Variants in RAPGEF1 observed in about 807,000 individuals in gnomAD.
The protein encoded by RAPGEF1 is Rap guanine nucleotide exchange factor 1.
RAPGEF1 carries 33 observed loss-of-function variants against 143.3 expected under a neutral mutation model. The ratio of observed to expected loss-of-function variants is 0.23; its 90% CI spans 0.17 to 0.31. RAPGEF1 has a LOEUF of 0.31. Ranked by LOEUF, RAPGEF1 falls within the 10% of genes least tolerant of loss-of-function variation. The probability of loss-of-function intolerance (pLI) is 1.00; values close to 1 mark genes in which losing one functional copy is unlikely to be tolerated. For missense variants in RAPGEF1, 1,199 were observed against 1,645.4 expected (o/e 0.73, Z 4.69); for synonymous variants, 629 against 676.5 (o/e 0.93, Z 1.09).
Position 131,626,093 on chromosome 9 carries a change from G to C in RAPGEF1, c.1531C>G (p.Gln511Glu), listed in dbSNP as rs778402863. Residue 511 changes from glutamine (Q) to glutamate (E), a missense_variant, in exon 10 of 27, where the codon CAG becomes GAG. Physicochemically the swap from Gln to Glu is conservative, Grantham distance 29. Around this residue, in one of 6 missense-constraint regions of RAPGEF1, gnomAD observed 613 missense variants for 710.9 expected, o/e 0.86. Transcript: ENST00000683357. ...QYDNISGEDL[Q>E]STAPIPSVPY... is the part of the protein sequence containing the mutation. Reference sequence around the variant, plus strand: ...ACGGATGGGATCGGGGCTGTGCTCTGCAGGTCCTCCCCAGAGATGTTGTCA... The same window carrying C: ...ACGGATGGGATCGGGGCTGTGCTCTCCAGGTCCTCCCCAGAGATGTTGTCA... 8.1e-6 allele frequency: 13 copies of C among 1,613,888 alleles called. No homozygotes were observed. The highest frequency in any genetic ancestry group is 9.3e-6 in the Non-Finnish European group (11 of 1,179,876).
At chr9:131,737,510 C>A in intron 1 of RAPGEF1, 1 of 1,613,034 alleles carries the variant, frequency 6.2e-7, no homozygotes, top group South Asian at 1.1e-5. Flanking sequence ...ATCTACAACC[C>A]CCTAGCAGAA....
At position 131,604,869 on chromosome 9, in the gene RAPGEF1, C is replaced by T. The variant is rs1956846206; in HGVS notation, c.2319+62G>A. On this transcript the variant is annotated intron_variant, in intron 13 of 26. Coordinates refer to ENST00000683357, the MANE Select transcript of RAPGEF1 (RefSeq NM_001377935.1). ...GTGAAACCGCTTTTTAAAAAACGTGCAGCCCCATGTGCAGGGGTGTGTGTG... is the reference window on the plus strand; with the variant it reads ...GTGAAACCGCTTTTTAAAAAACGTGTAGCCCCATGTGCAGGGGTGTGTGTG... 5 of 1,232,594 alleles carry T rather than the reference C, an allele frequency of 4.1e-6. No individual in the cohort carries two copies. The South Asian group carries it at 6.9e-5, about 17-fold the overall frequency. The allele number at this position is 1,232,594 out of a possible 1,614,324, so 76.4% of individuals were successfully genotyped here.
chr9:131,596,942 GAC>G (rs1955407145), intron 16 of RAPGEF1, among the ~76,000 whole-genome samples: 1 of 152,230 alleles, frequency 6.6e-6, no homozygotes, highest in Admixed American at 6.5e-5. Context: ...AAGCATTACA[GAC>G]AGAAATATTC....
intron 1 of RAPGEF1, among the ~76,000 whole-genome samples, chr9:131,720,185 C>T (rs1327249780): frequency 2.0e-5 from 3 of 152,190 alleles, no homozygotes; most frequent in Non-Finnish European, 4.4e-5. Flanking sequence ...CGTGCCCAGC[C>T]TTGGGCCTCA....
Position 131,606,972 on chromosome 9 carries a change from C to T in RAPGEF1, c.2062-1784G>A, listed in dbSNP as rs115725499. Among the ~76,000 whole-genome samples the T allele has an allele frequency of 4.4e-3, 669 of 152,246 alleles. 5 individuals are homozygous for T. The highest frequency in any genetic ancestry group is 0.015 in the African/African-American group (633 of 41,532). On this transcript the variant is annotated intron_variant, in intron 12 of 26. Coordinates refer to ENST00000683357, the MANE Select transcript of RAPGEF1 (RefSeq NM_001377935.1). The stretch of plus-strand genomic sequence containing the variant: ...CCCTTTAACCTGTACAAAGAGCTAC[C>T]GTAACTCGAGGGACAACGCAACCCT...
At chr9:131,663,470 T>C (rs891130337) in intron 1 of RAPGEF1, among the ~76,000 whole-genome samples, 1 of 151,406 alleles carries the variant, frequency 6.6e-6, no homozygotes, top group East Asian at 1.9e-4. Context: ...TTTTTTTTTT[T>C]AAATCCAAGA....
Position 131,628,026 on chromosome 9 carries a change from G to T in RAPGEF1, c.1088C>A (p.Pro363His). 1 of 1,567,176 alleles carries T rather than the reference G, an allele frequency of 6.4e-7. No homozygotes were observed. ...TATGCTGCTGCAGGGGGAGAGGCGG[G>T]GCGACTCTCCACCATATGAGTGGCT... ...GGSHSYGGES[P>H]RLSPCSSIGK... is the part of the protein sequence containing the mutation. The change falls in exon 9 of 27, where the codon CCC (proline) becomes CAC (histidine). Residue 363 changes from proline to histidine, a missense_variant. Pro to His is a moderately conservative substitution (Grantham distance 77, BLOSUM62 -2). Coordinates refer to ENST00000683357, the MANE Select transcript of RAPGEF1 (RefSeq NM_001377935.1). This position sits in a 1 kb window ranked among gnomAD's most constrained non-coding sequence, Gnocchi z 5.7.
intron 1 of RAPGEF1, among the ~76,000 whole-genome samples, chr9:131,700,619 AT>A (rs1012457500): frequency 2.6e-5 from 4 of 152,082 alleles, no homozygotes; most frequent in Admixed American, 2.0e-4. Flanking sequence ...AAACAATAGA[AT>A]TTTTTTTAGT....
At chr9:131,670,250 A>C (rs1374008991) in intron 1 of RAPGEF1, among the ~76,000 whole-genome samples, 2 of 152,322 alleles carry the variant, frequency 1.3e-5, no homozygotes, top group Non-Finnish European at 2.9e-5. Context: ...AGGAGGGCTC[A>C]CGTCTGCTCT....
chr9:131,590,279 A>T (rs947548987), intron 18 of RAPGEF1, among the ~76,000 whole-genome samples: 10 of 146,166 alleles, frequency 6.8e-5, no homozygotes, highest in Non-Finnish European at 1.5e-4. Context: ...GGTGCCCATG[A>T]GATTACAGAC....
chr9:131,649,304 C>T (rs748390678), intron 3 of RAPGEF1, among the ~76,000 whole-genome samples: 2 of 150,662 alleles, frequency 1.3e-5, no homozygotes, highest in Non-Finnish European at 2.9e-5. Context: ...ATCCGCCTGC[C>T]TCAGCCTCCC....
At chr9:131,601,311 T>C (rs1344458360) in intron 15 of RAPGEF1, among the ~76,000 whole-genome samples, 1 of 152,136 alleles carries the variant, frequency 6.6e-6, no homozygotes, top group Non-Finnish European at 1.5e-5. Context: ...TGCACACATA[T>C]GTCTAGAAAT....
At chr9:131,636,289 T>C (rs1966360484) in intron 5 of RAPGEF1, among the ~76,000 whole-genome samples, 1 of 152,382 alleles carries the variant, frequency 6.6e-6, no homozygotes, top group East Asian at 1.9e-4. Flanking sequence ...AAATGCTTCT[T>C]GAATAAATGA....
chr9:131,605,126 CG>C lies in RAPGEF1; in HGVS notation c.2123del (p.Pro708ArgfsTer25), dbSNP rs1956905989. The C allele has an allele frequency of 7.3e-7, 1 of 1,363,160 alleles. No homozygotes were observed. Among genetic ancestry groups the C allele is most frequent in the Admixed American group, 1.9e-5 (1 of 52,124 alleles). 84.4% of individuals were successfully genotyped at this position (1,363,160 alleles called of 1,614,324 possible). A position where few individuals can be genotyped will look rare whatever the true frequency, so the allele number is the denominator to read the frequency against. On this transcript the variant is annotated frameshift_variant, in exon 13 of 27. Coordinates refer to ENST00000683357, the MANE Select transcript of RAPGEF1 (RefSeq NM_001377935.1). LOFTEE classifies it high-confidence loss of function. ...AAGAGGAGGTAGGCGGAAGGAAAGG[CG>C]GAACGGAAGCTTGGTGGTGAGGCAC... is the stretch of plus-strand genomic sequence containing the variant. ...DFVPHHQASV[P>X]PFLPPTSSSS...
rs867681364 is a variant in RAPGEF1, at chr9:131,596,445, G to T, written c.2614-72C>A. 6.6e-5 allele frequency: 98 copies of T among 1,480,828 alleles called. 5 individuals carry two copies. In the Middle Eastern group the frequency reaches 9.9e-3, roughly 150 times the overall value. 91.7% of individuals were successfully genotyped at this position (1,480,828 alleles called of 1,614,324 possible). A position where few individuals can be genotyped will look rare whatever the true frequency, so the allele number is the denominator to read the frequency against. The stretch of plus-strand genomic sequence containing the variant: ...CAGAGAATCAGTTTAGGAAGAAACA[G>T]GCAGGAATGAGATGACAAAATGCCC... On this transcript the variant is annotated intron_variant, in intron 16 of 26. Coordinates refer to ENST00000683357, the MANE Select transcript of RAPGEF1 (RefSeq NM_001377935.1).
chr9:131,601,735 G>A (rs905291751), intron 15 of RAPGEF1, among the ~76,000 whole-genome samples: 6 of 151,630 alleles, frequency 4.0e-5, no homozygotes, highest in South Asian at 2.1e-4. Flanking sequence ...GCGAGACCTC[G>A]TCTCTACAAA....
intron 10 of RAPGEF1, 34 bp from the exon 11 acceptor site, chr9:131,622,032 G>A (rs555216285): frequency 9.2e-5 from 146 of 1,584,046 alleles, no homozygotes; most frequent in Admixed American, 2.5e-4. Flanking sequence ...CAGCGAGGCC[G>A]GGGGAGGCCA....
chr9:131,717,364 C>T (rs962824502), intron 1 of RAPGEF1, among the ~76,000 whole-genome samples: 1 of 152,210 alleles, frequency 6.6e-6, no homozygotes, highest in Non-Finnish European at 1.5e-5. Context: ...AATGGGTACT[C>T]ACTATCCACT....
intron 25 of RAPGEF1, among the ~76,000 whole-genome samples, chr9:131,580,819 A>G: frequency 6.6e-6 from 1 of 152,066 alleles, no homozygotes; most frequent in African/African-American, 2.4e-5. Context: ...GTACTATAGG[A>G]GGCTAAGGCA....
Sources: allele counts gnomAD v4.1 joint callset (sites outside exome capture counted in the v4.1 genomes callset), GRCh38; gene constraint gnomAD v4.1.1; regional missense constraint gnomAD v4.1.1; non-coding constraint Gnocchi (gnomAD v3.1); transcripts MANE v1.5; gene names NCBI Gene and HGNC (gene_info 2026-07-23, HGNC 2026-07-21).